The following ITPR2 variants were observed in gnomAD, a reference collection of about 807,000 sequenced individuals.
ITPR2 encodes the protein inositol 1,4,5-trisphosphate receptor type 2.
ITPR2 carries 207 observed loss-of-function variants against 317.1 expected under a neutral mutation model. The ratio of observed to expected loss-of-function variants is 0.65; its 90% CI spans 0.58 to 0.73. ITPR2 has a LOEUF of 0.73. Among genes scored for constraint, ITPR2 ranks in the 30% least tolerant of loss-of-function variants. The probability of loss-of-function intolerance (pLI) is 0.00; values close to 1 mark genes in which losing one functional copy is unlikely to be tolerated. For missense variants in ITPR2, 2,613 were observed against 3,284.0 expected (o/e 0.80, Z 4.99); for synonymous variants, 1,156 against 1,149.1 (o/e 1.01, Z -0.12).
intron 47 of ITPR2, among the ~76,000 whole-genome samples, chr12:26,438,002 T>C (rs1181325806): frequency 6.6e-6 from 1 of 152,056 alleles, no homozygotes; most frequent in Non-Finnish European, 1.5e-5. Context: ...AGGGTTTCAC[T>C]GCGTTAGCCA....
chr12:26,589,851 T>TACAC (rs1166855137), intron 32 of ITPR2, among the ~76,000 whole-genome samples: 5,364 of 49,940 alleles, frequency 0.11, 847 homozygotes, highest in East Asian at 0.3. Flanking sequence ...TATATATATA[T>TACAC]ATACACACAC....
At chr12:26,498,002 C>T (rs982197266) in intron 37 of ITPR2, among the ~76,000 whole-genome samples, 1 of 152,184 alleles carries the variant, frequency 6.6e-6, no homozygotes. Flanking sequence ...TCCCAAAGTG[C>T]TGGGATTACA....
chr12:26,512,354 C>T (rs573187681), intron 37 of ITPR2, among the ~76,000 whole-genome samples: 21 of 152,278 alleles, frequency 1.4e-4, no homozygotes, highest in African/African-American at 4.8e-4. Flanking sequence ...AACTCAAAGT[C>T]ATCTCTCTGT....
In ITPR2 at chr12:26,343,871, C is replaced by T. The variant is rs74656535; in HGVS notation, c.7858-3543G>A. 7.1e-3 allele frequency among the ~76,000 whole-genome samples: 1,080 copies of T among 152,094 alleles called. 10 individuals are homozygous for T. Among genetic ancestry groups the T allele is most frequent in the Non-Finnish European group, 0.012 (837 of 67,978 alleles). On this transcript the variant is annotated intron_variant, in intron 55 of 56. Transcript: ENST00000381340. The stretch of plus-strand genomic sequence containing the variant: ...AGGGTGAGAAAATAGGCAGCTGCCA[C>T]CAAGGGGCTAAAGGAGAAGGGGGTC...
chr12:26,582,615 T>C (rs902056649), intron 32 of ITPR2, among the ~76,000 whole-genome samples: 1 of 152,238 alleles, frequency 6.6e-6, no homozygotes, highest in Admixed American at 6.5e-5. Flanking sequence ...TCATCTTTTA[T>C]GATGTGATTT....
chr12:26,750,505 A>G (rs978254499), intron 2 of ITPR2, among the ~76,000 whole-genome samples: 6 of 152,206 alleles, frequency 3.9e-5, no homozygotes, highest in Non-Finnish European at 8.8e-5. Flanking sequence ...CAGGTCGTCT[A>G]TACTTGATGG....
intron 45 of ITPR2, among the ~76,000 whole-genome samples, chr12:26,472,502 A>C (rs982809662): frequency 1.3e-5 from 2 of 151,994 alleles, no homozygotes; most frequent in African/African-American, 4.8e-5. Flanking sequence ...AAAAAAAAAA[A>C]CAACTTCGAT....
chr12:26,776,781 C>G (rs1949979407), intron 2 of ITPR2, among the ~76,000 whole-genome samples: 1 of 152,176 alleles, frequency 6.6e-6, no homozygotes, highest in African/African-American at 2.4e-5. Context: ...GGAAGGACCC[C>G]TTAGGCAGTT....
intron 21 of ITPR2, among the ~76,000 whole-genome samples, chr12:26,638,681 C>T (rs574857116): frequency 1.3e-5 from 2 of 152,224 alleles, no homozygotes; most frequent in African/African-American, 4.8e-5. Flanking sequence ...TCAGTATTTT[C>T]GTCATTGACT....
chr12:26,463,114 G>T (rs985840345), intron 45 of ITPR2, among the ~76,000 whole-genome samples: 1 of 151,996 alleles, frequency 6.6e-6, no homozygotes, highest in Non-Finnish European at 1.5e-5. Flanking sequence ...TTTTTATATT[G>T]GCTTATGTGT....
chr12:26,684,328 C>T (rs1948087864), intron 11 of ITPR2, among the ~76,000 whole-genome samples: 1 of 152,196 alleles, frequency 6.6e-6, no homozygotes, highest in South Asian at 2.1e-4. Flanking sequence ...GTAAAGCCTG[C>T]ACCCCACCTG....
intron 55 of ITPR2, among the ~76,000 whole-genome samples, chr12:26,381,885 C>A (rs921973547): frequency 5.3e-5 from 8 of 152,168 alleles, no homozygotes; most frequent in African/African-American, 1.9e-4. Context: ...TTGGATCCTG[C>A]TATTTTTCAA....
At chr12:26,582,557 C>A (rs1945429608) in intron 32 of ITPR2, among the ~76,000 whole-genome samples, 1 of 152,154 alleles carries the variant, frequency 6.6e-6, no homozygotes, top group Non-Finnish European at 1.5e-5. Context: ...GTACACATTA[C>A]CAATATTACA....
intron 26 of ITPR2, among the ~76,000 whole-genome samples, chr12:26,612,457 T>C (rs1946289947): frequency 6.6e-6 from 1 of 152,238 alleles, no homozygotes; most frequent in Non-Finnish European, 1.5e-5. Flanking sequence ...CCATTGATAC[T>C]GTGATATATT....
chr12:26,805,086 A>G (rs1950619003), intron 1 of ITPR2, among the ~76,000 whole-genome samples: 1 of 152,168 alleles, frequency 6.6e-6, no homozygotes, highest in South Asian at 2.1e-4. Context: ...CATGACCACA[A>G]ATAAAAATTC....
intron 28 of ITPR2, among the ~76,000 whole-genome samples, chr12:26,601,605 T>A (rs1945999028): frequency 6.6e-6 from 1 of 152,162 alleles, no homozygotes; most frequent in Non-Finnish European, 1.5e-5. Context: ...GATAGAACCC[T>A]TTATAACCTA....
At chr12:26,512,422 T>C (rs1327078040) in intron 37 of ITPR2, among the ~76,000 whole-genome samples, 2 of 152,174 alleles carry the variant, frequency 1.3e-5, no homozygotes, top group Non-Finnish European at 2.9e-5. Context: ...TATGTAAAAA[T>C]GCAGATTCAC....
At position 26,730,942 on chromosome 12, in the gene ITPR2, A is replaced by G. The variant is rs1949017382; in HGVS notation, c.164-5177T>C. Among the ~76,000 whole-genome samples, 5 of 152,192 alleles carry G rather than the reference A, an allele frequency of 3.3e-5. No homozygotes were observed. In the South Asian group the frequency reaches 1.0e-3, roughly 31 times the overall value. Reference sequence around the variant, plus strand: ...AGGAAATCAGTCTAAACCTCCACTTACAATAGCTGTATAAATAGTTTTGAA... The same window carrying G: ...AGGAAATCAGTCTAAACCTCCACTTGCAATAGCTGTATAAATAGTTTTGAA... On this transcript the variant is annotated intron_variant, in intron 2 of 56. Transcript: ENST00000381340.
At chr12:26,548,104 C>T (rs994189812) in intron 37 of ITPR2, among the ~76,000 whole-genome samples, 2 of 152,238 alleles carry the variant, frequency 1.3e-5, no homozygotes, top group African/African-American at 4.8e-5. Context: ...CCAGATACAG[C>T]CTAAAGTGTC....
Sources: allele counts gnomAD v4.1 joint callset (sites outside exome capture counted in the v4.1 genomes callset), GRCh38; gene constraint gnomAD v4.1.1; transcripts MANE v1.5; gene names NCBI Gene and HGNC (gene_info 2026-07-23, HGNC 2026-07-21).